The following MALRD1 variants were observed in gnomAD, a reference collection of about 807,000 sequenced individuals.
The protein encoded by MALRD1 is MAM and LDL receptor class A domain containing 1.
In MALRD1, 247 loss-of-function variants were observed where a neutral mutation model predicts 242.1. The observed-to-expected ratio is 1.02, with a 90% CI of 0.92 to 1.13. The LOEUF is 1.13. Among genes scored for constraint, MALRD1 ranks in the 50% most tolerant of loss-of-function variants. The pLI, the probability that MALRD1 is intolerant of heterozygous loss-of-function variation, is 0.00. For synonymous variants in MALRD1, 995 were observed against 866.6 expected, an observed-to-expected ratio of 1.15 and a Z score of -2.60; for missense variants, 2,989 against 2,533.1, an observed-to-expected ratio of 1.18 and a Z score of -3.86.
chr10:19,107,658 C>T (rs957402779), intron 5 of MALRD1, among the ~76,000 whole-genome samples: 1 of 151,074 alleles, frequency 6.6e-6, no homozygotes, highest in Non-Finnish European at 1.5e-5. Flanking sequence ...TAAGGCCCTA[C>T]TCCTTTCATT....
At chr10:19,198,737 C>G (rs977179825) in intron 14 of MALRD1, among the ~76,000 whole-genome samples, 1 of 152,000 alleles carries the variant, frequency 6.6e-6, no homozygotes, top group Non-Finnish European at 1.5e-5. Flanking sequence ...ATTCTTATTC[C>G]AAAGACAATA....
intron 29 of MALRD1, chr10:19,491,115 C>T: frequency 2.8e-6 from 1 of 354,486 alleles, no homozygotes; most frequent in South Asian, 2.8e-5. Flanking sequence ...GCTATAGACT[C>T]AGATCACCAG....
intron 31 of MALRD1, among the ~76,000 whole-genome samples, chr10:19,518,837 G>A (rs1245445863): frequency 6.6e-6 from 1 of 152,164 alleles, no homozygotes; most frequent in South Asian, 2.1e-4. Flanking sequence ...TGCCATTCAT[G>A]AATCACTCAC....
intron 14 of MALRD1, among the ~76,000 whole-genome samples, chr10:19,201,481 C>T (rs998726121): frequency 1.3e-5 from 2 of 152,152 alleles, no homozygotes; most frequent in African/African-American, 4.8e-5. Flanking sequence ...TTCCAGGTAG[C>T]TATGGGAGAT....
intron 32 of MALRD1, among the ~76,000 whole-genome samples, chr10:19,555,676 C>G (rs911533964): frequency 5.3e-5 from 8 of 152,216 alleles, no homozygotes; most frequent in South Asian, 4.2e-4. Flanking sequence ...GACATTCTTA[C>G]AATGTGTTTG....
chr10:19,200,665 T>TGTTGTTTTTG (rs1836489795), intron 14 of MALRD1, among the ~76,000 whole-genome samples: 1 of 118,024 alleles, frequency 8.5e-6, no homozygotes, highest in African/African-American at 2.9e-5. Flanking sequence ...TTTTTTTTTT[T>TGTTGTTTTTG]TTTTTTGGCT....
At chr10:19,439,548 T>A (rs35718159) in intron 28 of MALRD1, among the ~76,000 whole-genome samples, 3 of 151,490 alleles carry the variant, frequency 2.0e-5, no homozygotes, top group Non-Finnish European at 4.4e-5. Context: ...AAAAAAAAAG[T>A]GGGGGATAAA....
intron 32 of MALRD1, among the ~76,000 whole-genome samples, chr10:19,542,273 A>G (rs1054802712): frequency 6.6e-6 from 1 of 152,142 alleles, no homozygotes; most frequent in Admixed American, 6.5e-5. Context: ...CATTTAATAT[A>G]CTTGAAGCTC....
rs1204248679 is a variant in MALRD1 at position 19,730,694 on chromosome 10, G to T, written c.6315-12G>T. The stretch of plus-strand genomic sequence containing the variant: ...ATAGTTTTTTATTTTTGATGGCCCT[G>T]TGTGCTTTAAGGAAAACCGAGGGAA... On this transcript the variant is annotated splice_polypyrimidine_tract_variant and intron_variant, in intron 38 of 39. Coordinates refer to ENST00000454679, the MANE Select transcript of MALRD1 (RefSeq NM_001142308.3). 2 of 1,536,310 alleles carry T rather than the reference G, an allele frequency of 1.3e-6. No homozygotes were observed. Among genetic ancestry groups the T allele is most frequent in the Non-Finnish European group, 1.7e-6 (2 of 1,146,880 alleles).
intron 14 of MALRD1, among the ~76,000 whole-genome samples, chr10:19,181,309 T>A (rs1835492421): frequency 6.6e-6 from 1 of 152,128 alleles, no homozygotes; most frequent in South Asian, 2.1e-4. Context: ...GAAAACAACC[T>A]AAGTGTCTGT....
At chr10:19,701,013 G>A (rs927227916) in intron 38 of MALRD1, among the ~76,000 whole-genome samples, 1 of 152,124 alleles carries the variant, frequency 6.6e-6, no homozygotes, top group African/African-American at 2.4e-5. Flanking sequence ...GCCAGGCATG[G>A]TGGTACGTGC....
At chr10:19,387,507 T>C (rs990771618) in intron 26 of MALRD1, 21 bp from the exon 27 acceptor site, 3 of 1,546,010 alleles carry the variant, frequency 1.9e-6, no homozygotes, top group East Asian at 2.4e-5. Context: ...CTCATTCTTG[T>C]TTTCTTTTGT....
intron 32 of MALRD1, among the ~76,000 whole-genome samples, chr10:19,558,671 G>A (rs1835830228): frequency 6.6e-6 from 1 of 152,054 alleles, no homozygotes; most frequent in Non-Finnish European, 1.5e-5. Flanking sequence ...CTATCTTCAT[G>A]AGAAATGTTG....
chr10:19,219,328 A>G (rs966951543), intron 18 of MALRD1, among the ~76,000 whole-genome samples: 1 of 152,232 alleles, frequency 6.6e-6, no homozygotes, highest in Non-Finnish European at 1.5e-5. Context: ...ACCATATTAA[A>G]TTATTAAATG....
intron 4 of MALRD1, among the ~76,000 whole-genome samples, chr10:19,098,351 G>T (rs149015114): frequency 6.6e-6 from 1 of 152,020 alleles, no homozygotes; most frequent in East Asian, 1.9e-4. Flanking sequence ...ATATTTCATC[G>T]AGAAATGCTG....
intron 26 of MALRD1, among the ~76,000 whole-genome samples, chr10:19,384,454 T>C (rs569418097): frequency 8.6e-6 from 1 of 116,828 alleles, no homozygotes; most frequent in South Asian, 2.3e-4. Context: ...ATAGTATATA[T>C]AATATAATAT....
At position 19,493,809 on chromosome 10, in the gene MALRD1, C is replaced by G. The variant is rs1344807212; in HGVS notation, c.5158+2164C>G. Among the ~76,000 whole-genome samples, 6 of 144,676 alleles carry G rather than the reference C, an allele frequency of 4.1e-5. No homozygotes were observed. In the South Asian group the frequency reaches 1.3e-3, roughly 30 times the overall value. The allele number at this position is 144,676 out of a possible 152,430, so 94.9% of individuals were successfully genotyped here. A position where few individuals can be genotyped will look rare whatever the true frequency, so the allele number is the denominator to read the frequency against. ...GCCTGGGCGACAGAGTGAGACTCGT[C>G]TCAAAAAACAAAAAAACAAAAAACA... On this transcript the variant is annotated intron_variant, in intron 30 of 39. Coordinates refer to ENST00000454679, the MANE Select transcript of MALRD1 (RefSeq NM_001142308.3).
intron 36 of MALRD1, among the ~76,000 whole-genome samples, chr10:19,684,034 T>A (rs532027184): frequency 6.6e-6 from 1 of 152,278 alleles, no homozygotes; most frequent in East Asian, 1.9e-4. Flanking sequence ...CAATGTTTGG[T>A]TTTCTGTTCC....
At chr10:19,606,333 A>G (rs115288839) in intron 34 of MALRD1, among the ~76,000 whole-genome samples, 25 of 152,246 alleles carry the variant, frequency 1.6e-4, no homozygotes, top group African/African-American at 6.0e-4. Context: ...TTAAACTTTT[A>G]GTAGCAGGTT....
Sources: allele counts gnomAD v4.1 joint callset (sites outside exome capture counted in the v4.1 genomes callset), GRCh38; gene constraint gnomAD v4.1.1; transcripts MANE v1.5; gene names NCBI Gene and HGNC (gene_info 2026-07-23, HGNC 2026-07-21).